ADGRL2: variants seen among roughly 807,000 people sequenced by gnomAD.
ADGRL2 encodes adhesion G protein-coupled receptor L2.
ADGRL2 carries 44 observed loss-of-function variants against 157.4 expected under a neutral mutation model. That is an observed-to-expected ratio of 0.28 (90% CI 0.22 to 0.36). The LOEUF is 0.36. Ranked by LOEUF, ADGRL2 falls within the 10% of genes least tolerant of loss-of-function variation. The pLI is 1.00. For synonymous variants in ADGRL2, 585 were observed against 624.7 expected, an observed-to-expected ratio of 0.94 and a Z score of 0.95; for missense variants, 1,510 against 1,768.9, an observed-to-expected ratio of 0.85 and a Z score of 2.63.
chr1:81,651,735 G>GTTTT (rs1377545904), intron 3 of ADGRL2, among the ~76,000 whole-genome samples: 1 of 152,090 alleles, frequency 6.6e-6, no homozygotes, highest in East Asian at 1.9e-4. Context: ...TTGTTTGTTT[G>GTTTT]TTTGTGTTTG....
intron 11 of ADGRL2, among the ~76,000 whole-genome samples, chr1:81,963,247 T>C (rs1335796045): frequency 1.3e-5 from 2 of 152,046 alleles, no homozygotes; most frequent in Non-Finnish European, 2.9e-5. Flanking sequence ...GAAACACGAT[T>C]GATGTTGCTC....
At chr1:81,812,841 G>C (rs1232114166) in intron 1 of ADGRL2, among the ~76,000 whole-genome samples, 1 of 151,676 alleles carries the variant, frequency 6.6e-6, no homozygotes, top group Non-Finnish European at 1.5e-5. Flanking sequence ...CTACTAATAA[G>C]GACCTACTAT....
intron 2 of ADGRL2, among the ~76,000 whole-genome samples, chr1:81,516,012 T>C (rs1190890132): frequency 6.6e-6 from 1 of 152,196 alleles, no homozygotes; most frequent in African/African-American, 2.4e-5. Context: ...CATCAAAATA[T>C]TCAAATATAA....
At chr1:81,881,602 C>A (rs74095998) in intron 2 of ADGRL2, among the ~76,000 whole-genome samples, 1 of 152,184 alleles carries the variant, frequency 6.6e-6, no homozygotes, top group Non-Finnish European at 1.5e-5. Context: ...CCTCTCTGTT[C>A]TGTCTGTTCA....
At chr1:81,509,323 G>T (rs1041080785) in intron 2 of ADGRL2, among the ~76,000 whole-genome samples, 14 of 151,656 alleles carry the variant, frequency 9.2e-5, no homozygotes, top group African/African-American at 2.7e-4. Context: ...TCTTCCATTC[G>T]TGGAAAATCA....
At position 81,943,578 on chromosome 1, in the gene ADGRL2, G is replaced by T. The variant is rs1167044032; in HGVS notation, c.1019G>T (p.Gly340Val). 9.9e-6 allele frequency: 16 copies of T among 1,613,680 alleles called. No homozygotes were observed. The highest frequency in any genetic ancestry group is 1.4e-5 in the Non-Finnish European group (16 of 1,179,684). The change falls in exon 6 of 24, where the codon GGC becomes GTC. Residue 340 changes from glycine (G) to valine (V), a missense_variant. Gly to Val is a moderately radical substitution (Grantham distance 109). Transcript: ENST00000686636. The surrounding 1 kb of genome is among the most constrained non-coding windows in gnomAD (Gnocchi z 5.6). ...TATCAAGACAATGAAAGTGAAACAG[G>T]CAAGAACTCAATTGATTACATTTAT... Reference protein sequence around the residue: ...SVYQDNESETGKNSIDYIYNT... With the variant: ...SVYQDNESETVKNSIDYIYNT...
intron 2 of ADGRL2, among the ~76,000 whole-genome samples, chr1:81,571,195 G>A (rs1361397696): frequency 1.3e-5 from 2 of 151,560 alleles, no homozygotes; most frequent in African/African-American, 2.4e-5. Context: ...CATGATGGCA[G>A]GCACCTATAA....
chr1:81,778,699 T>C (rs959930559), intron 2 of ADGRL2, among the ~76,000 whole-genome samples: 2 of 152,148 alleles, frequency 1.3e-5, no homozygotes, highest in Non-Finnish European at 2.9e-5. Flanking sequence ...TCCTCCCCAT[T>C]TTTCAAAGGT....
chr1:81,981,329 A>T (rs948799199), intron 18 of ADGRL2, among the ~76,000 whole-genome samples: 1 of 151,842 alleles, frequency 6.6e-6, no homozygotes, highest in Non-Finnish European at 1.5e-5. Context: ...TGCTTTAGTT[A>T]TAAAACCTTA....
intron 1 of ADGRL2, among the ~76,000 whole-genome samples, chr1:81,820,287 T>C (rs150306879): frequency 1.5e-4 from 23 of 152,296 alleles, no homozygotes; most frequent in Non-Finnish European, 2.8e-4. Flanking sequence ...ATTCCTTGCA[T>C]GGATATAAGA....
At chr1:81,597,135 C>T (rs1040753675) in intron 3 of ADGRL2, among the ~76,000 whole-genome samples, 1 of 152,098 alleles carries the variant, frequency 6.6e-6, no homozygotes, top group Non-Finnish European at 1.5e-5. Context: ...AAAAGCCAGT[C>T]GTCTCTTCTC....
intron 2 of ADGRL2, among the ~76,000 whole-genome samples, chr1:81,858,285 AT>A (rs1189842899): frequency 6.6e-6 from 1 of 152,214 alleles, no homozygotes; most frequent in Non-Finnish European, 1.5e-5. Context: ...CCAATAACAC[AT>A]AGGACACAGA....
chr1:81,969,068 T>G, intron 14 of ADGRL2, 110 bp from the exon 15 acceptor site: 1 of 770,312 alleles, frequency 1.3e-6, no homozygotes, highest in South Asian at 1.7e-5. Flanking sequence ...ATGAATAGTA[T>G]TCTTCAAAGA....
chr1:81,476,296 G>C (rs1248115712), intron 2 of ADGRL2, among the ~76,000 whole-genome samples: 1 of 152,134 alleles, frequency 6.6e-6, no homozygotes, highest in Non-Finnish European at 1.5e-5. Context: ...AAAATACTGA[G>C]AGAACTTGAC....
At chr1:81,902,132 A>C (rs1557875804) in intron 2 of ADGRL2, among the ~76,000 whole-genome samples, 1 of 152,178 alleles carries the variant, frequency 6.6e-6, no homozygotes, top group Non-Finnish European at 1.5e-5. Context: ...AGATTTCCCG[A>C]TTGGCAACTG....
chr1:81,670,201 C>CTGAT (rs2082845119), intron 3 of ADGRL2, among the ~76,000 whole-genome samples: 2 of 152,150 alleles, frequency 1.3e-5, no homozygotes, highest in African/African-American at 4.8e-5. Flanking sequence ...TCTTTGATGA[C>CTGAT]TGATTGTAGT....
chr1:81,829,985 G>A (rs149920600), intron 1 of ADGRL2, among the ~76,000 whole-genome samples: 26 of 152,212 alleles, frequency 1.7e-4, no homozygotes, highest in African/African-American at 6.3e-4. Context: ...ACGTCTCAAG[G>A]AAACACAGAT....
Position 81,402,363 on chromosome 1 carries a change from A to C in ADGRL2, c.-301-42673A>C, listed in dbSNP as rs529372939. Among the ~76,000 whole-genome samples the C allele has an allele frequency of 8.5e-5, 13 of 152,282 alleles. No individual in the cohort carries two copies. In the South Asian group the frequency reaches 2.7e-3, roughly 32 times the overall value. Reference sequence around the variant, plus strand: ...CTTCTCTCCAGAGTTCAACAGAGAAAGTGCTTCCGTGATTAATCACATACA... The same window carrying C: ...CTTCTCTCCAGAGTTCAACAGAGAACGTGCTTCCGTGATTAATCACATACA... On this transcript the variant is annotated intron_variant, in intron 1 of 24. Coordinates refer to the ADGRL2 transcript ENST00000370721.
intron 7 of ADGRL2, among the ~76,000 whole-genome samples, 168 bp from the exon 8 acceptor site, chr1:81,950,850 T>C (rs1173079941): frequency 1.3e-5 from 2 of 152,230 alleles, no homozygotes; most frequent in African/African-American, 2.4e-5. Flanking sequence ...ACTTCATATT[T>C]ACCATTTATA....
Sources: allele counts gnomAD v4.1 joint callset (sites outside exome capture counted in the v4.1 genomes callset), GRCh38; gene constraint gnomAD v4.1.1; non-coding constraint Gnocchi (gnomAD v3.1); transcripts MANE v1.5; gene names NCBI Gene and HGNC (gene_info 2026-07-23, HGNC 2026-07-21).